NLGN1: variants seen among roughly 807,000 people sequenced by gnomAD.
The protein encoded by NLGN1 is neuroligin 1.
In NLGN1, 12 loss-of-function variants were observed where a neutral mutation model predicts 65.5. The observed-to-expected ratio is 0.18, with a 90% CI of 0.12 to 0.30. NLGN1 has a LOEUF of 0.30. NLGN1 is among the 10% of genes least tolerant of loss of function. The pLI is 1.00. For missense variants in NLGN1, 750 were observed against 1,007.1 expected, an observed-to-expected ratio of 0.74 and a Z score of 3.46; for synonymous variants, 350 against 359.5, an observed-to-expected ratio of 0.97 and a Z score of 0.30.
At chr3:173,499,952 G>T (rs910023012) in intron 2 of NLGN1, among the ~76,000 whole-genome samples, 1 of 151,646 alleles carries the variant, frequency 6.6e-6, no homozygotes, top group Admixed American at 6.6e-5. Context: ...AAGATTTTGG[G>T]CTGAGAAATG....
intron 2 of NLGN1, among the ~76,000 whole-genome samples, chr3:173,553,277 A>G (rs573365952): frequency 6.6e-6 from 1 of 152,316 alleles, no homozygotes; most frequent in African/African-American, 2.4e-5. Flanking sequence ...ATTATTTACT[A>G]AGCCTGATCC....
intron 4 of NLGN1, among the ~76,000 whole-genome samples, chr3:174,002,261 G>A (rs554899809): frequency 2.0e-5 from 3 of 152,004 alleles, no homozygotes; most frequent in Admixed American, 6.6e-5. Context: ...CTGAGTAGTT[G>A]GGATTACAGT....
intron 4 of NLGN1, among the ~76,000 whole-genome samples, chr3:174,165,117 C>T (rs1727261655): frequency 6.6e-6 from 1 of 151,852 alleles, no homozygotes; most frequent in Non-Finnish European, 1.5e-5. Flanking sequence ...TGATTTGGCT[C>T]ATAGCTTTAA....
chr3:173,888,004 A>G (rs1291982922), intron 4 of NLGN1, among the ~76,000 whole-genome samples: 3 of 152,042 alleles, frequency 2.0e-5, no homozygotes, highest in African/African-American at 4.8e-5. Context: ...ATTCCTTAAA[A>G]TAAGCAGATA....
chr3:174,193,950 A>G (rs994540745), intron 4 of NLGN1, among the ~76,000 whole-genome samples: 1 of 152,096 alleles, frequency 6.6e-6, no homozygotes, highest in Non-Finnish European at 1.5e-5. Flanking sequence ...GTCACTGCAG[A>G]GCTTAGAATA....
At chr3:173,437,671 C>G (rs1197050838) in intron 2 of NLGN1, among the ~76,000 whole-genome samples, 1 of 152,136 alleles carries the variant, frequency 6.6e-6, no homozygotes, top group Non-Finnish European at 1.5e-5. Context: ...CTCCAGACTA[C>G]AAACATGCCA....
chr3:173,664,088 T>TA (rs36125897), intron 3 of NLGN1, among the ~76,000 whole-genome samples: 2 of 152,058 alleles, frequency 1.3e-5, no homozygotes, highest in African/African-American at 4.8e-5. Context: ...TATGAATTGT[T>TA]AAAAAATGTG....
chr3:173,798,947 A>G (rs150630944), intron 3 of NLGN1, among the ~76,000 whole-genome samples: 1 of 152,104 alleles, frequency 6.6e-6, no homozygotes, highest in African/African-American at 2.4e-5. Context: ...GAGTTATAAT[A>G]GTAAATTTAG....
intron 4 of NLGN1, among the ~76,000 whole-genome samples, chr3:173,844,687 A>G (rs145769890): frequency 6.6e-6 from 1 of 152,290 alleles, no homozygotes; most frequent in East Asian, 1.9e-4. Flanking sequence ...GGAAGGGACA[A>G]TGAATAATGT....
intron 4 of NLGN1, among the ~76,000 whole-genome samples, chr3:174,056,597 T>C (rs1736144981): frequency 6.6e-6 from 1 of 152,034 alleles, no homozygotes; most frequent in South Asian, 2.1e-4. Context: ...AGTTCTCTAA[T>C]ACCAGGATAC....
chr3:173,873,369 G>A (rs1476866233), intron 4 of NLGN1, among the ~76,000 whole-genome samples: 3 of 152,088 alleles, frequency 2.0e-5, no homozygotes, highest in Non-Finnish European at 2.9e-5. Flanking sequence ...GATTATAGAC[G>A]TGAGCCACCA....
At chr3:173,819,472 G>A (rs1227764850) in intron 4 of NLGN1, among the ~76,000 whole-genome samples, 2 of 151,954 alleles carry the variant, frequency 1.3e-5, no homozygotes, top group Non-Finnish European at 2.9e-5. Context: ...CCTTCTATTG[G>A]TTTCTGAGGA....
Position 174,224,847 on chromosome 3 carries a change from A to C in NLGN1, c.647-50468A>C, listed in dbSNP as rs549080649. 7.2e-4 allele frequency among the ~76,000 whole-genome samples: 109 copies of C among 152,296 alleles called. 1 individual carries two copies. The highest frequency in any genetic ancestry group is 2.4e-3 in the African/African-American group (98 of 41,558). On this transcript the variant is annotated intron_variant, in intron 4 of 6. Transcript: ENST00000457714. ...ACTTTTCCAGAATCCCCAGGATTTC[A>C]ATAAACAAGCTTTGCATAATGCTGA...
chr3:174,154,886 A>C (rs906038827), intron 4 of NLGN1, among the ~76,000 whole-genome samples: 1 of 114,998 alleles, frequency 8.7e-6, no homozygotes, highest in Admixed American at 9.0e-5. Flanking sequence ...AGATAGATAT[A>C]AAGATTTTCA....
rs181284995 is a variant in NLGN1, at chr3:173,474,703, T to C, written c.-321+39625T>C. Among the ~76,000 whole-genome samples, 922 of 152,250 alleles carry C rather than the reference T, an allele frequency of 6.1e-3. 34 individuals carry two copies. The highest frequency in any genetic ancestry group is 2.9e-3 in the East Asian group (15 of 5,190). On this transcript the variant is annotated intron_variant, in intron 2 of 6. Coordinates refer to ENST00000457714, the Ensembl canonical transcript of NLGN1. ...GGCTGGGTGCAGTTGCTCACAACTG[T>C]AATCCTAGCACTTTGGGAGGCCGAG...
At chr3:173,578,560 A>G (rs1745906370) in intron 2 of NLGN1, among the ~76,000 whole-genome samples, 1 of 152,206 alleles carries the variant, frequency 6.6e-6, no homozygotes, top group South Asian at 2.1e-4. Context: ...CAAACTTTAT[A>G]GTATATTCTG....
At chr3:173,723,978 G>T (rs1455084541) in intron 3 of NLGN1, among the ~76,000 whole-genome samples, 1 of 152,176 alleles carries the variant, frequency 6.6e-6, no homozygotes, top group Non-Finnish European at 1.5e-5. Context: ...AAAGGGATAG[G>T]AGAAAGAAGT....
rs544015737 is a variant in NLGN1 at position 174,144,566 on chromosome 3, C to A, written c.647-130749C>A. On this transcript the variant is annotated intron_variant, in intron 4 of 6. Coordinates refer to ENST00000457714, the Ensembl canonical transcript of NLGN1. ...AAGCATTCCTATTTCTCCACATCCT[C>A]TCCAGCATCCTTTGTTTCCTGACTT... 3.9e-5 allele frequency among the ~76,000 whole-genome samples: 6 copies of A among 152,316 alleles called. No individual in the cohort carries two copies. The East Asian group carries it at 1.2e-3, about 29-fold the overall frequency.
intron 4 of NLGN1, among the ~76,000 whole-genome samples, chr3:174,102,443 G>T (rs1712751014): frequency 6.6e-6 from 1 of 152,076 alleles, no homozygotes; most frequent in Non-Finnish European, 1.5e-5. Context: ...TGTGGAAAAG[G>T]GGTAGAATTA....
Sources: allele counts gnomAD v4.1 joint callset (sites outside exome capture counted in the v4.1 genomes callset), GRCh38; gene constraint gnomAD v4.1.1; transcripts MANE v1.5; gene names NCBI Gene and HGNC (gene_info 2026-07-23, HGNC 2026-07-21).